Variants in MALRD1 observed in about 807,000 individuals in gnomAD.
MALRD1 encodes MAM and LDL receptor class A domain containing 1.
MALRD1 carries 247 observed loss-of-function variants against 242.1 expected under a neutral mutation model. The ratio of observed to expected loss-of-function variants is 1.02; its 90% confidence interval spans 0.92 to 1.13. MALRD1 has a LOEUF of 1.13. Among genes scored for constraint, MALRD1 ranks in the 50% most tolerant of loss-of-function variants. The pLI is 0.00. For synonymous variants in MALRD1, 995 were observed against 866.6 expected, an observed-to-expected ratio of 1.15 and a Z score of -2.60; for missense variants, 2,989 against 2,533.1, an observed-to-expected ratio of 1.18 and a Z score of -3.86.
chr10:19,174,907 G>A (rs1008388015), intron 13 of MALRD1, among the ~76,000 whole-genome samples: 2 of 152,084 alleles, frequency 1.3e-5, no homozygotes, highest in Admixed American at 1.3e-4. Context: ...ACCCCAAAGA[G>A]CTCATTATAA....
intron 34 of MALRD1, 67 bp downstream of exon 34, chr10:19,595,524 C>T (rs983462159): frequency 4.9e-5 from 72 of 1,463,004 alleles, no homozygotes; most frequent in East Asian, 4.0e-4. Flanking sequence ...AAAGAAAGCT[C>T]GACAGATAAA....
chr10:19,190,528 C>G (rs981576647), intron 14 of MALRD1, among the ~76,000 whole-genome samples: 31 of 151,970 alleles, frequency 2.0e-4, no homozygotes, highest in Non-Finnish European at 1.5e-5. Context: ...GACACACACA[C>G]CCTGATTTCA....
intron 31 of MALRD1, among the ~76,000 whole-genome samples, chr10:19,512,207 G>T (rs1374948735): frequency 6.6e-6 from 1 of 152,092 alleles, no homozygotes; most frequent in African/African-American, 2.4e-5. Flanking sequence ...GGGTAACAAA[G>T]GGCTTTTTTT....
rs12245615 is a variant in MALRD1, at chr10:19,181,851, A to G, written c.1951+6523A>G. ...ATGCTGTATATCTTTAATATACATA[A>G]TAAAATTTGTTTTAAAAATTAAGAA... On this transcript the variant is annotated intron_variant, in intron 14 of 39. Coordinates refer to ENST00000454679, the MANE Select transcript of MALRD1 (RefSeq NM_001142308.3). Among the ~76,000 whole-genome samples the G allele has an allele frequency of 2.8e-3, 432 of 152,286 alleles. 1 individual carries two copies. The highest frequency in any genetic ancestry group is 0.01 in the African/African-American group (418 of 41,576).
intron 32 of MALRD1, among the ~76,000 whole-genome samples, chr10:19,536,455 C>A (rs546455732): frequency 1.3e-5 from 2 of 151,858 alleles, no homozygotes; most frequent in South Asian, 2.1e-4. Flanking sequence ...CTTCCTTCGT[C>A]CCTCTCGTTT....
intron 38 of MALRD1, among the ~76,000 whole-genome samples, chr10:19,693,645 G>A (rs1329472933): frequency 2.6e-5 from 4 of 152,184 alleles, no homozygotes; most frequent in East Asian, 3.9e-4. Context: ...AAATGGCCAT[G>A]CTGCCCAAGG....
intron 10 of MALRD1, among the ~76,000 whole-genome samples, chr10:19,139,598 C>A (rs1437562165): frequency 1.3e-5 from 2 of 152,182 alleles, no homozygotes; most frequent in African/African-American, 4.8e-5. Flanking sequence ...TCCCCAAAGG[C>A]AGACTCACTC....
intron 2 of MALRD1, among the ~76,000 whole-genome samples, chr10:19,075,778 T>A (rs1835298548): frequency 6.6e-6 from 1 of 152,110 alleles, no homozygotes; most frequent in Non-Finnish European, 1.5e-5. Flanking sequence ...ACTTCTGACT[T>A]ACAGAAGCTG....
intron 14 of MALRD1, among the ~76,000 whole-genome samples, chr10:19,180,665 G>C (rs1588662039): frequency 6.6e-6 from 1 of 152,154 alleles, no homozygotes; most frequent in Non-Finnish European, 1.5e-5. Flanking sequence ...AGTTGGCAAT[G>C]ATTTTTTAAT....
chr10:19,684,557 A>G (rs748465271), intron 36 of MALRD1, among the ~76,000 whole-genome samples: 1 of 152,200 alleles, frequency 6.6e-6, no homozygotes, highest in Non-Finnish European at 1.5e-5. Flanking sequence ...GGATTTTGAG[A>G]CCAGCCTGGT....
chr10:19,465,092 G>T (rs1264103250), intron 29 of MALRD1, among the ~76,000 whole-genome samples: 1 of 151,972 alleles, frequency 6.6e-6, no homozygotes, highest in Non-Finnish European at 1.5e-5. Flanking sequence ...GAATTTATCA[G>T]TTTTAGGAGC....
chr10:19,627,288 G>A (rs898191352), intron 36 of MALRD1, among the ~76,000 whole-genome samples: 8 of 152,032 alleles, frequency 5.3e-5, no homozygotes, highest in African/African-American at 1.7e-4. Flanking sequence ...TGAAGTATGA[G>A]GGTCTTTTCT....
chr10:19,315,129 TAGAA>T (rs1257449843), intron 21 of MALRD1, among the ~76,000 whole-genome samples: 387 of 138,646 alleles, frequency 2.8e-3, no homozygotes, highest in South Asian at 4.3e-3. Context: ...ATATAATTTA[TAGAA>T]ATATGTAAAT....
At chr10:19,229,179 G>A (rs1837937157) in intron 18 of MALRD1, among the ~76,000 whole-genome samples, 1 of 152,152 alleles carries the variant, frequency 6.6e-6, no homozygotes, top group Non-Finnish European at 1.5e-5. Context: ...ACAGTGGCAT[G>A]AATCGAGCAT....
intron 34 of MALRD1, among the ~76,000 whole-genome samples, chr10:19,599,322 C>A (rs1174964364): frequency 1.3e-5 from 2 of 151,832 alleles, no homozygotes; most frequent in Non-Finnish European, 2.9e-5. Context: ...TTTAGATAAA[C>A]CTGTGAGTTC....
intron 33 of MALRD1, among the ~76,000 whole-genome samples, chr10:19,585,525 C>G (rs532500766): frequency 8.2e-4 from 124 of 152,066 alleles, no homozygotes; most frequent in African/African-American, 1.5e-3. Context: ...GTTGAAAATT[C>G]TTTTCTTTAA....
intron 33 of MALRD1, among the ~76,000 whole-genome samples, chr10:19,581,189 A>G (rs912517583): frequency 1.5e-4 from 22 of 149,064 alleles, no homozygotes; most frequent in African/African-American, 5.2e-4. Context: ...TTCCTCCCTC[A>G]TAGTTTTCTT....
intron 26 of MALRD1, among the ~76,000 whole-genome samples, chr10:19,378,407 T>G (rs1845696633): frequency 6.6e-6 from 1 of 152,130 alleles, no homozygotes; most frequent in Admixed American, 6.5e-5. Context: ...TTTTCCAGAT[T>G]CAGTCAGCAT....
chr10:19,550,557 C>T (rs544623379), intron 32 of MALRD1, among the ~76,000 whole-genome samples: 52 of 152,198 alleles, frequency 3.4e-4, no homozygotes, highest in African/African-American at 1.1e-3. Context: ...CACATGTTCT[C>T]GTCATTTAGC....
Sources: gnomAD v4.1 joint callset for allele counts (sites outside exome capture counted in the v4.1 genomes callset) on GRCh38, gnomAD v4.1.1 for gene constraint, MANE v1.5 for transcripts, NCBI Gene and HGNC (gene_info 2026-07-23, HGNC 2026-07-21) for gene names.